SCAPER: variants seen among roughly 807,000 people sequenced by gnomAD.
SCAPER encodes the protein S phase cyclin A-associated protein in the endoplasmic reticulum.
A neutral mutation model predicts 182.2 loss-of-function variants in SCAPER; 98 were observed. The ratio of observed to expected loss-of-function variants is 0.54; its 90% CI spans 0.46 to 0.64. The LOEUF (loss-of-function observed/expected upper bound fraction) is 0.64. Among genes scored for constraint, SCAPER ranks in the 30% least tolerant of loss-of-function variants. The pLI, the probability that SCAPER is intolerant of heterozygous loss-of-function variation, is 0.00. For synonymous variants in SCAPER, 605 were observed against 564.6 expected (o/e 1.07, Z -1.01); for missense variants, 1,432 against 1,690.0 (o/e 0.85, Z 2.68).
At chr15:76,522,213 T>C (rs2042889068) in intron 23 of SCAPER, among the ~76,000 whole-genome samples, 1 of 152,026 alleles carries the variant, frequency 6.6e-6, no homozygotes, top group African/African-American at 2.4e-5. Context: ...TTTCTAAAAA[T>C]TGTAAAAACC....
intron 18 of SCAPER, among the ~76,000 whole-genome samples, chr15:76,703,957 C>T (rs1417632129): frequency 1.3e-5 from 2 of 152,152 alleles, no homozygotes; most frequent in Non-Finnish European, 2.9e-5. Context: ...CTGTGAGGAG[C>T]CAGCATGTAA....
chr15:76,661,359 T>G (rs943469417), intron 21 of SCAPER, among the ~76,000 whole-genome samples: 4 of 152,020 alleles, frequency 2.6e-5, no homozygotes, highest in Admixed American at 1.3e-4. Context: ...AGCTTCTGCA[T>G]AGCAAAACAA....
intron 8 of SCAPER, among the ~76,000 whole-genome samples, chr15:76,792,407 T>C (rs964000347): frequency 1.3e-5 from 2 of 152,130 alleles, no homozygotes; most frequent in African/African-American, 4.8e-5. Context: ...CTCTGGTAGA[T>C]TGTTCACAAA....
chr15:76,417,249 C>T (rs150684732), intron 26 of SCAPER, among the ~76,000 whole-genome samples: 1 of 151,954 alleles, frequency 6.6e-6, no homozygotes, highest in Non-Finnish European at 1.5e-5. Flanking sequence ...AAACTGTACT[C>T]TTCTGTGTTT....
At chr15:76,844,926 G>A (rs896828680) in intron 4 of SCAPER, among the ~76,000 whole-genome samples, 1 of 151,876 alleles carries the variant, frequency 6.6e-6, no homozygotes, top group South Asian at 2.1e-4. Context: ...AAAAATACAG[G>A]CCACTATCTT....
At chr15:76,797,586 A>C (rs1225735693) in intron 7 of SCAPER, 1 of 152,244 alleles carries the variant, frequency 6.6e-6, no homozygotes, top group East Asian at 1.9e-4. Flanking sequence ...TGACAAGCAA[A>C]GGCAGTTATA....
chr15:76,599,075 T>C (rs1218291107), intron 22 of SCAPER, among the ~76,000 whole-genome samples: 1 of 118,958 alleles, frequency 8.4e-6, no homozygotes, highest in African/African-American at 2.5e-5. Context: ...AATTCAATAA[T>C]AAAAAAAGAT....
intron 24 of SCAPER, among the ~76,000 whole-genome samples, chr15:76,491,108 A>G (rs2143335095): frequency 6.7e-6 from 1 of 148,740 alleles, no homozygotes; most frequent in Non-Finnish European, 1.5e-5. Flanking sequence ...ATTTCTAGCT[A>G]AAAAAAAATC....
intron 20 of SCAPER, among the ~76,000 whole-genome samples, chr15:76,690,432 T>C (rs758883992): frequency 1.3e-5 from 2 of 152,102 alleles, no homozygotes; most frequent in African/African-American, 4.8e-5. Flanking sequence ...ATGAAATGTA[T>C]AGTCCTAGAT....
At chr15:76,721,163 CA>C (rs1441657335) in intron 17 of SCAPER, among the ~76,000 whole-genome samples, 1 of 152,204 alleles carries the variant, frequency 6.6e-6, no homozygotes, top group East Asian at 1.9e-4. Context: ...GTTTGCCCAG[CA>C]CCTTTTATTA....
At chr15:76,803,281 T>G (rs929659013) in intron 6 of SCAPER, among the ~76,000 whole-genome samples, 1 of 152,232 alleles carries the variant, frequency 6.6e-6, no homozygotes, top group Non-Finnish European at 1.5e-5. Flanking sequence ...TCACACATGC[T>G]GTTAGCATTA....
chr15:76,478,737 T>A (rs2050857802), intron 24 of SCAPER, among the ~76,000 whole-genome samples: 1 of 152,168 alleles, frequency 6.6e-6, no homozygotes, highest in Admixed American at 6.5e-5. Flanking sequence ...TTGATAACTA[T>A]CTATCATCGT....
At chr15:76,766,221 C>T (rs2063107460) in intron 11 of SCAPER, among the ~76,000 whole-genome samples, 1 of 152,086 alleles carries the variant, frequency 6.6e-6, no homozygotes, top group Non-Finnish European at 1.5e-5. Flanking sequence ...CTCAGCCTCC[C>T]AAGTAGCTGG....
chr15:76,352,210 C>T (rs2141635975), intron 30 of SCAPER, among the ~76,000 whole-genome samples: 1 of 152,276 alleles, frequency 6.6e-6, no homozygotes, highest in Non-Finnish European at 1.5e-5. Context: ...CTTTTCCTGC[C>T]TTACTTTTCT....
chr15:76,510,835 C>T (rs1194853228), intron 23 of SCAPER, among the ~76,000 whole-genome samples: 1 of 151,832 alleles, frequency 6.6e-6, no homozygotes, highest in Non-Finnish European at 1.5e-5. Flanking sequence ...GCCCATCAAT[C>T]AACAAGTGGA....
chr15:76,850,486 A>C (rs1445536600), intron 4 of SCAPER, among the ~76,000 whole-genome samples: 1 of 152,248 alleles, frequency 6.6e-6, no homozygotes, highest in Admixed American at 6.5e-5. Flanking sequence ...CCAGTAATTC[A>C]AATGACCAGA....
chr15:76,683,923 A>G (rs1265853284), intron 20 of SCAPER, among the ~76,000 whole-genome samples: 3 of 152,180 alleles, frequency 2.0e-5, no homozygotes, highest in South Asian at 4.1e-4. Flanking sequence ...ATGGAGCAAG[A>G]CCACGTTTCT....
At position 76,596,824 on chromosome 15, in the gene SCAPER, C is replaced by G. The variant is rs1442192938; in HGVS notation, c.2712-22540G>C. Among the ~76,000 whole-genome samples, 2 of 121,362 alleles carry G rather than the reference C, an allele frequency of 1.6e-5. 1 individual carries two copies. The highest frequency in any genetic ancestry group is 4.0e-5 in the Non-Finnish European group (2 of 50,050). The allele number at this position is 121,362 out of a possible 152,430, so 79.6% of individuals were successfully genotyped here. A position where few individuals can be genotyped will look rare whatever the true frequency, so the allele number is the denominator to read the frequency against. On this transcript the variant is annotated intron_variant, in intron 22 of 31. Coordinates refer to ENST00000563290, the MANE Select transcript of SCAPER (RefSeq NM_020843.4). ...GGAATGTATCTCAAAATAATAAGAG[C>G]TATTTATGACAAACCCACAGCCAAC...
chr15:76,430,984 A>G (rs545397040), intron 26 of SCAPER, among the ~76,000 whole-genome samples: 2 of 152,232 alleles, frequency 1.3e-5, no homozygotes, highest in East Asian at 1.9e-4. Context: ...GTGATAGTGA[A>G]TAAGTCTCAA....
Sources: gnomAD v4.1 joint callset for allele counts (sites outside exome capture counted in the v4.1 genomes callset) on GRCh38, gnomAD v4.1.1 for gene constraint, MANE v1.5 for transcripts, NCBI Gene and HGNC (gene_info 2026-07-23, HGNC 2026-07-21) for gene names.